The following CRB1 variants were observed in gnomAD, a reference collection of about 807,000 sequenced individuals.
The protein encoded by CRB1 is protein crumbs homolog 1.
A neutral mutation model predicts 120.0 loss-of-function variants in CRB1; 83 were observed. That is an observed-to-expected ratio of 0.69 (90% CI 0.58 to 0.83). The LOEUF (loss-of-function observed/expected upper bound fraction) is 0.83. Ranked by LOEUF, CRB1 falls within the 40% of genes least tolerant of loss-of-function variation. The probability of loss-of-function intolerance (pLI) is 0.00; values close to 1 mark genes in which losing one functional copy is unlikely to be tolerated. For missense variants in CRB1, 1,699 were observed against 1,687.6 expected (o/e 1.01, Z -0.12); for synonymous variants, 625 against 612.5 (o/e 1.02, Z -0.30).
intron 1 of CRB1, among the ~76,000 whole-genome samples, chr1:197,326,578 C>G (rs142122298): frequency 6.6e-6 from 1 of 152,008 alleles, no homozygotes; most frequent in Non-Finnish European, 1.5e-5. Flanking sequence ...TTGCAGTGAG[C>G]TGAGATCATG....
At chr1:197,248,933 C>T in the CRB1 span, among the ~76,000 whole-genome samples, 1 of 151,728 alleles carries the variant, frequency 6.6e-6, no homozygotes, top group African/African-American at 2.4e-5. Context: ...TTAGATTTCT[C>T]AAAATTAAAA....
At chr1:197,459,868 AT>A (rs1360046818) in intron 11 of CRB1, among the ~76,000 whole-genome samples, 2 of 152,154 alleles carry the variant, frequency 1.3e-5, no homozygotes, top group African/African-American at 4.8e-5. Flanking sequence ...TCCTGAGCAG[AT>A]TTTTTTGGGA....
chr1:197,452,636 C>A (rs1331059029), intron 11 of CRB1, among the ~76,000 whole-genome samples: 1 of 152,130 alleles, frequency 6.6e-6, no homozygotes, highest in Non-Finnish European at 1.5e-5. Context: ...TTACCTGCCC[C>A]AGGGCCACAC....
chr1:197,377,965 C>T (rs924169172), intron 5 of CRB1, among the ~76,000 whole-genome samples: 4 of 152,204 alleles, frequency 2.6e-5, no homozygotes, highest in African/African-American at 4.8e-5. Flanking sequence ...TTGAGTCAAG[C>T]GTATGTTCTT....
chr1:197,219,181 A>G, the CRB1 span, among the ~76,000 whole-genome samples: 1 of 152,246 alleles, frequency 6.6e-6, no homozygotes, highest in African/African-American at 2.4e-5. Context: ...TGAGAATTCA[A>G]CCTTGGATAA....
intron 1 of CRB1, among the ~76,000 whole-genome samples, chr1:197,284,275 C>T (rs1480424336): frequency 1.3e-5 from 2 of 151,908 alleles, no homozygotes; most frequent in Admixed American, 1.3e-4. Flanking sequence ...GCAGAGGTCT[C>T]CTGATTCTCA....
At chr1:197,416,405 T>C (rs1664003514) in intron 5 of CRB1, among the ~76,000 whole-genome samples, 1 of 152,242 alleles carries the variant, frequency 6.6e-6, no homozygotes. Context: ...GCTGGGAACA[T>C]ACTATGTACA....
At chr1:197,218,274 A>C in the CRB1 span, among the ~76,000 whole-genome samples, 1 of 152,200 alleles carries the variant, frequency 6.6e-6, no homozygotes, top group East Asian at 1.9e-4. Flanking sequence ...GTACTCTGCT[A>C]CTGGCAAGAA....
At chr1:197,260,511 A>G in the CRB1 span, among the ~76,000 whole-genome samples, 1 of 151,938 alleles carries the variant, frequency 6.6e-6, no homozygotes, top group African/African-American at 2.4e-5. Context: ...AGTAAGCCTG[A>G]TAAGAAAAAA....
At chr1:197,285,259 C>G (rs1655757525) in intron 1 of CRB1, among the ~76,000 whole-genome samples, 1 of 151,812 alleles carries the variant, frequency 6.6e-6, no homozygotes, top group African/African-American at 2.4e-5. Context: ...GGTAGCTAAA[C>G]TATTTTTTAT....
intron 11 of CRB1, among the ~76,000 whole-genome samples, chr1:197,445,910 C>G (rs2083321638): frequency 6.6e-6 from 1 of 152,150 alleles, no homozygotes; most frequent in Non-Finnish European, 1.5e-5. Context: ...GTGGGTTAGA[C>G]TGGGTGTGGT....
chr1:197,407,853 A>T (rs1029133751), intron 5 of CRB1, among the ~76,000 whole-genome samples: 1 of 152,220 alleles, frequency 6.6e-6, no homozygotes. Context: ...ATGTCCATTC[A>T]TGGATACATT....
At chr1:197,365,176 C>T (rs553717804) in intron 5 of CRB1, among the ~76,000 whole-genome samples, 1 of 152,172 alleles carries the variant, frequency 6.6e-6, no homozygotes, top group South Asian at 2.1e-4. Flanking sequence ...ACTGATGATC[C>T]CTGAGTGGTC....
intron 1 of CRB1, among the ~76,000 whole-genome samples, chr1:197,272,839 A>C (rs1200150969): frequency 6.6e-6 from 1 of 152,210 alleles, no homozygotes; most frequent in East Asian, 1.9e-4. Flanking sequence ...TTAATGGTGC[A>C]TTTGTCAAAA....
the CRB1 span, among the ~76,000 whole-genome samples, chr1:197,255,488 A>G: frequency 6.6e-6 from 1 of 152,076 alleles, no homozygotes; most frequent in Non-Finnish European, 1.5e-5. Context: ...GAATCTAGCC[A>G]TGGAAAATAT....
At chr1:197,242,411 C>A in the CRB1 span, among the ~76,000 whole-genome samples, 3 of 151,984 alleles carry the variant, frequency 2.0e-5, no homozygotes, top group South Asian at 2.1e-4. Flanking sequence ...TATCAAAGGC[C>A]TTTTCTGCAT....
chr1:197,351,402 A>G (rs1170348973), intron 4 of CRB1, among the ~76,000 whole-genome samples: 3 of 151,070 alleles, frequency 2.0e-5, no homozygotes, highest in Admixed American at 2.0e-4. Context: ...AGAAAAGAAA[A>G]GAGAAAAAAA....
intron 3 of CRB1, among the ~76,000 whole-genome samples, chr1:197,346,696 C>G (rs1456326563): frequency 2.0e-5 from 3 of 152,182 alleles, no homozygotes; most frequent in African/African-American, 7.2e-5. Flanking sequence ...TTAATAAAAT[C>G]AACAACTTTC....
At chr1:197,365,495 T>C (rs1661011661) in intron 5 of CRB1, among the ~76,000 whole-genome samples, 1 of 152,050 alleles carries the variant, frequency 6.6e-6, no homozygotes, top group South Asian at 2.1e-4. Flanking sequence ...ATGATGCCTC[T>C]GGGGAGGGGG....
Sources: gnomAD v4.1 joint callset for allele counts (sites outside exome capture counted in the v4.1 genomes callset) on GRCh38, gnomAD v4.1.1 for gene constraint, MANE v1.5 for transcripts, NCBI Gene and HGNC (gene_info 2026-07-23, HGNC 2026-07-21) for gene names.